Variants in NT5DC3 observed in about 807,000 individuals in gnomAD.
NT5DC3 encodes the protein 5'-nucleotidase domain-containing protein 3.
Under a neutral mutation model 67.8 loss-of-function variants are expected in NT5DC3, and 42 were observed. That is an observed-to-expected ratio of 0.62 (90% CI 0.48 to 0.80). The LOEUF (loss-of-function observed/expected upper bound fraction) is 0.80, where lower values mean the gene tolerates loss of function less well. Ranked by LOEUF, NT5DC3 falls within the 30% of genes least tolerant of loss-of-function variation. The pLI is 0.00. For synonymous variants in NT5DC3, 237 were observed against 255.6 expected, an observed-to-expected ratio of 0.93 and a Z score of 0.69; for missense variants, 570 against 696.4, an observed-to-expected ratio of 0.82 and a Z score of 2.04.
intron 1 of NT5DC3, 119 bp from the exon 2 acceptor site, chr12:103,815,240 T>C: frequency 1.5e-6 from 1 of 651,102 alleles, no homozygotes; most frequent in Non-Finnish European, 2.5e-6. Flanking sequence ...CTTGAAAATA[T>C]GCTGGTGAAG....
In NT5DC3 at chr12:103,777,486, C is replaced by A; in HGVS notation, c.*343G>T. On this transcript the variant is annotated 3_prime_UTR_variant, in exon 14 of 14. Coordinates refer to ENST00000392876, the MANE Select transcript of NT5DC3 (RefSeq NM_001031701.3). Reference sequence around the variant, plus strand: ...TTCAGGAAATGTTCCATGGAGGAGTCAAGAACCGTTTCAAGCTTGACCTGC... The same window carrying A: ...TTCAGGAAATGTTCCATGGAGGAGTAAAGAACCGTTTCAAGCTTGACCTGC... 1 of 275,344 alleles carries A rather than the reference C, an allele frequency of 3.6e-6. No homozygotes were observed. Among genetic ancestry groups the A allele is most frequent in the Non-Finnish European group, 6.8e-6 (1 of 146,012 alleles). The allele number at this position is 275,344 out of a possible 1,614,324, so 17.1% of individuals were successfully genotyped here.
At chr12:103,788,812 A>G (rs749669928) in intron 10 of NT5DC3, 26 bp downstream of exon 10, 19 of 1,511,480 alleles carry the variant, frequency 1.3e-5, no homozygotes, top group African/African-American at 2.7e-5. Context: ...CAAAGCAACA[A>G]AAAGGATCAG....
chr12:103,763,467 C>T, the NT5DC3 span: 1 of 1,610,148 alleles, frequency 6.2e-7, no homozygotes, highest in South Asian at 1.1e-5. Context: ...ATGCTCCTGG[C>T]TTTCATGCTT....
At chr12:103,838,008 G>T (rs141629367) in intron 1 of NT5DC3, among the ~76,000 whole-genome samples, 512 of 152,266 alleles carry the variant, frequency 3.4e-3, no homozygotes, top group Non-Finnish European at 5.8e-3. Flanking sequence ...GGTTTACTTG[G>T]ACTTATAGTT....
At chr12:103,811,892 G>A (rs1887048096) in intron 2 of NT5DC3, among the ~76,000 whole-genome samples, 3 of 152,118 alleles carry the variant, frequency 2.0e-5, no homozygotes, top group Middle Eastern at 3.4e-3. Context: ...CATTTGCTGA[G>A]AGATCAGACA....
downstream of NT5DC3, chr12:103,766,932 C>A (rs931446798): frequency 6.5e-6 from 1 of 153,132 alleles, no homozygotes; most frequent in Non-Finnish European, 1.5e-5. Flanking sequence ...AAAACAGTAA[C>A]ACGTATTGGA....
chr12:103,763,398 A>G, the NT5DC3 span: 1 of 976,854 alleles, frequency 1.0e-6, no homozygotes. Flanking sequence ...AAAAGCTCCC[A>G]GAGGCAAAGG....
chr12:103,761,623 A>C, the NT5DC3 span, among the ~76,000 whole-genome samples: 1 of 151,982 alleles, frequency 6.6e-6, no homozygotes, highest in Admixed American at 6.6e-5. Context: ...AGCACCAGTC[A>C]CCATTAATAT....
At chr12:103,791,713 C>T (rs556487589) in intron 9 of NT5DC3, among the ~76,000 whole-genome samples, 7 of 152,306 alleles carry the variant, frequency 4.6e-5, no homozygotes, top group Admixed American at 2.0e-4. Flanking sequence ...CAGCAGGAGG[C>T]GAGCGTCCAG....
intron 1 of NT5DC3, among the ~76,000 whole-genome samples, chr12:103,822,623 C>G (rs967997244): frequency 6.6e-6 from 1 of 152,174 alleles, no homozygotes; most frequent in Non-Finnish European, 1.5e-5. Flanking sequence ...AGTGGTAGTG[C>G]TATCCGTGTG....
chr12:103,828,702 AT>A (rs1431979952), intron 1 of NT5DC3, among the ~76,000 whole-genome samples: 37 of 139,502 alleles, frequency 2.7e-4, no homozygotes, highest in African/African-American at 5.5e-4. Context: ...CTTTCTTTTT[AT>A]TTTTTTTTTT....
chr12:103,802,611 G>T (rs1174033024), intron 4 of NT5DC3, among the ~76,000 whole-genome samples: 2 of 152,146 alleles, frequency 1.3e-5, no homozygotes, highest in Non-Finnish European at 2.9e-5. Context: ...GGGTCACCAA[G>T]GAGGGGCTTG....
chr12:103,826,123 A>G (rs1005997426), intron 1 of NT5DC3, among the ~76,000 whole-genome samples: 3 of 152,118 alleles, frequency 2.0e-5, no homozygotes, highest in Non-Finnish European at 4.4e-5. Flanking sequence ...TCATTCAACA[A>G]ATAATTTTTC....
the NT5DC3 span, among the ~76,000 whole-genome samples, chr12:103,748,408 G>A: frequency 6.6e-6 from 1 of 152,182 alleles, no homozygotes; most frequent in Non-Finnish European, 1.5e-5. Context: ...GCAGCACAGT[G>A]AGGAAAGCAT....
chr12:103,834,315 A>G (rs989658440), intron 1 of NT5DC3, among the ~76,000 whole-genome samples: 18 of 152,192 alleles, frequency 1.2e-4, no homozygotes, highest in Non-Finnish European at 4.4e-5. Context: ...ACATTCACAC[A>G]TCCAAAAATC....
chr12:103,780,915 G>A (rs910056975), intron 12 of NT5DC3, among the ~76,000 whole-genome samples: 18 of 152,158 alleles, frequency 1.2e-4, no homozygotes, highest in African/African-American at 3.6e-4. Flanking sequence ...ATTTGTACAG[G>A]GGTAGTAGAA....
the NT5DC3 span, chr12:103,759,323 A>C: frequency 1.9e-6 from 3 of 1,601,052 alleles, no homozygotes; most frequent in Non-Finnish European, 2.6e-6. Context: ...ATGCATGCAA[A>C]GTTCCTGGCA....
intron 1 of NT5DC3, among the ~76,000 whole-genome samples, chr12:103,825,500 A>G (rs1887654685): frequency 6.6e-6 from 1 of 152,234 alleles, no homozygotes; most frequent in Non-Finnish European, 1.5e-5. Context: ...TCCTTAGAAA[A>G]AGAAAATTGT....
intron 1 of NT5DC3, among the ~76,000 whole-genome samples, chr12:103,832,761 T>A (rs1415731251): frequency 6.6e-6 from 1 of 152,200 alleles, no homozygotes; most frequent in Non-Finnish European, 1.5e-5. Context: ...TCTGCCTCCA[T>A]AAGGATCATT....
Sources: gnomAD v4.1 joint callset for allele counts (sites outside exome capture counted in the v4.1 genomes callset) on GRCh38, gnomAD v4.1.1 for gene constraint, MANE v1.5 for transcripts, NCBI Gene and HGNC (gene_info 2026-07-23, HGNC 2026-07-21) for gene names.